RAVER1: variants seen among roughly 807,000 people sequenced by gnomAD.
RAVER1 encodes ribonucleoprotein, PTB binding 1.
A neutral mutation model predicts 68.4 loss-of-function variants in RAVER1; 36 were observed. The observed-to-expected ratio is 0.53, with a 90% CI of 0.40 to 0.70. The LOEUF (loss-of-function observed/expected upper bound fraction) is 0.70, where lower values mean the gene tolerates loss of function less well. Among genes scored for constraint, RAVER1 ranks in the 30% least tolerant of loss-of-function variants. The pLI is 0.00. For missense variants in RAVER1, 933 were observed against 1,019.8 expected (o/e 0.91, Z 1.16); for synonymous variants, 469 against 472.7 (o/e 0.99, Z 0.10).
chr19:10,322,783 C>T lies in RAVER1; in HGVS notation c.1079-44G>A, dbSNP rs2040447939. ...GGATGTGTGGGGGTCCCTGTGTCCT[C>T]CCTGCCCCACCTCACGAAACACAGC... is the stretch of plus-strand genomic sequence containing the variant. On this transcript the variant is annotated intron_variant, in intron 5 of 12. Coordinates refer to ENST00000617231, the MANE Select transcript of RAVER1 (RefSeq NM_133452.3). This position sits in a 1 kb window ranked among gnomAD's most constrained non-coding sequence, Gnocchi z 4.3. 1 of 1,165,800 alleles carries T rather than the reference C, an allele frequency of 8.6e-7. No individual in the cohort carries two copies. Among genetic ancestry groups the T allele is most frequent in the Non-Finnish European group, 1.2e-6 (1 of 863,728 alleles). The allele number at this position is 1,165,800 out of a possible 1,614,324, so 72.2% of individuals were successfully genotyped here.
At position 10,321,529 on chromosome 19, in the gene RAVER1, A is replaced by G; in HGVS notation, c.1261+2T>C. The G allele has an allele frequency of 7.4e-7, 1 of 1,354,296 alleles. No homozygotes were observed. The allele number at this position is 1,354,296 out of a possible 1,614,324, so 83.9% of individuals were successfully genotyped here. A position where few individuals can be genotyped will look rare whatever the true frequency, so the allele number is the denominator to read the frequency against. On this transcript the variant is annotated splice_donor_variant, in intron 7 of 12. Transcript: ENST00000617231. LOFTEE classifies it high-confidence loss of function. ...ACACCGTGTGGGCAGGGTCTGCGTT[A>G]CCTGCAGGCAGCTCCCCGAGGAGGG...
chr19:10,324,802 C>T (rs2040463127), intron 3 of RAVER1, among the ~76,000 whole-genome samples: 1 of 152,186 alleles, frequency 6.6e-6, no homozygotes, highest in Non-Finnish European at 1.5e-5. Context: ...CTGTCAAGCC[C>T]ACCCTCCATT....
In RAVER1 at chr19:10,316,321, G is replaced by A. The variant is rs1433970518; in HGVS notation, c.*1133C>T. 2 of 1,153,120 alleles carry A rather than the reference G, an allele frequency of 1.7e-6. No individual in the cohort carries two copies. Among genetic ancestry groups the A allele is most frequent in the African/African-American group, 3.3e-5 (2 of 60,358 alleles). The allele number at this position is 1,153,120 out of a possible 1,614,324, so 71.4% of individuals were successfully genotyped here. On this transcript the variant is annotated 3_prime_UTR_variant, in exon 13 of 13. Coordinates refer to ENST00000617231, the MANE Select transcript of RAVER1 (RefSeq NM_133452.3). ...CTTGGAGTGGATGTGGACCCCCAGA[G>A]TCAAGGGAGGGAAGCTGGTGGCCCA...
In RAVER1 at chr19:10,316,470, G is replaced by T. The variant is rs1437208692; in HGVS notation, c.*984C>A. The T allele has an allele frequency of 7.0e-6, 7 of 995,476 alleles. No individual in the cohort carries two copies. Among genetic ancestry groups the T allele is most frequent in the Non-Finnish European group, 8.4e-6 (7 of 836,368 alleles). The allele number at this position is 995,476 out of a possible 1,614,324, so 61.7% of individuals were successfully genotyped here. A position where few individuals can be genotyped will look rare whatever the true frequency, so the allele number is the denominator to read the frequency against. ...GGGCTGGAAGGAGGCCAGCTCCAGG[G>T]ATCTGGCCGGGGGTGGGCAGGCAGA... On this transcript the variant is annotated 3_prime_UTR_variant, in exon 13 of 13. Coordinates refer to ENST00000617231, the MANE Select transcript of RAVER1 (RefSeq NM_133452.3).
rs2040444511 is a variant in RAVER1, at chr19:10,322,425, C to A, written c.1173+220G>T. 2 of 506,672 alleles carry A rather than the reference C, an allele frequency of 3.9e-6. No homozygotes were observed. Among genetic ancestry groups the A allele is most frequent in the African/African-American group, 2.0e-5 (1 of 49,128 alleles). 31.4% of individuals were successfully genotyped at this position (506,672 alleles called of 1,614,324 possible). The stretch of plus-strand genomic sequence containing the variant: ...CCCAGGCACCAAGTCCAGGGGCGCT[C>A]TCAGAATGGAGGGAAAGATGGCGAA... On this transcript the variant is annotated intron_variant, in intron 6 of 12. Transcript: ENST00000617231. This position sits in a 1 kb window ranked among gnomAD's most constrained non-coding sequence, Gnocchi z 4.3.
Position 10,333,279 on chromosome 19 carries a change from C to A in RAVER1, c.219+10G>T. 1 of 1,611,024 alleles carries A rather than the reference C, an allele frequency of 6.2e-7. No individual in the cohort carries two copies. The highest frequency in any genetic ancestry group is 8.5e-7 in the Non-Finnish European group (1 of 1,177,766). On this transcript the variant is annotated intron_variant, in intron 1 of 12. Coordinates refer to ENST00000617231, the MANE Select transcript of RAVER1 (RefSeq NM_133452.3). The surrounding 1 kb of genome is among the most constrained non-coding windows in gnomAD (Gnocchi z 4.2). ...TTCCCGCCACGCTCCTACACCGCCC[C>A]CCCCAATACCTGGTTGGTCACGTCC... is the stretch of plus-strand genomic sequence containing the variant.
Position 10,322,812 on chromosome 19 carries a change from G to A in RAVER1, c.1079-73C>T. ...GCCCCACCTCACGAAACACAGCCCT[G>A]AACCCATTGATGGGGCAGGAAACTG... On this transcript the variant is annotated intron_variant, in intron 5 of 12. Transcript: ENST00000617231. The surrounding 1 kb of genome is among the most constrained non-coding windows in gnomAD (Gnocchi z 4.3). The A allele has an allele frequency of 1.1e-6, 1 of 910,824 alleles. No homozygotes were observed. The highest frequency in any genetic ancestry group is 2.0e-5 in the South Asian group (1 of 49,798). 56.4% of individuals were successfully genotyped at this position (910,824 alleles called of 1,614,324 possible). A position where few individuals can be genotyped will look rare whatever the true frequency, so the allele number is the denominator to read the frequency against.
intron 3 of RAVER1, among the ~76,000 whole-genome samples, chr19:10,327,088 T>C (rs55779981): frequency 0.14 from 21,857 of 152,008 alleles, 1,847 homozygotes; most frequent in South Asian, 0.2. Context: ...GTTTTAAATA[T>C]AGAGATGGTG....
Position 10,333,204 on chromosome 19 carries a change from C to T in RAVER1, c.219+85G>A, listed in dbSNP as rs750287293. ...CGCCCCCGCCAACGACCCCCGCGCA[C>T]CTCAGCGTTGGTGTCGCCCGGTTCC... On this transcript the variant is annotated intron_variant, in intron 1 of 12. Transcript: ENST00000617231. This position sits in a 1 kb window ranked among gnomAD's most constrained non-coding sequence, Gnocchi z 4.2. 740 of 1,359,918 alleles carry T rather than the reference C, an allele frequency of 5.4e-4. 2 individuals carry two copies. In the Middle Eastern group the frequency reaches 0.017, roughly 31 times the overall value. The allele number at this position is 1,359,918 out of a possible 1,614,324, so 84.2% of individuals were successfully genotyped here. A position where few individuals can be genotyped will look rare whatever the true frequency, so the allele number is the denominator to read the frequency against.
intron 1 of RAVER1, among the ~76,000 whole-genome samples, chr19:10,331,616 G>A (rs956168093): frequency 4.9e-5 from 7 of 142,138 alleles, no homozygotes; most frequent in Non-Finnish European, 9.1e-5. Flanking sequence ...AACCCGAGGG[G>A]TGAAGGTTGC....
chr19:10,325,022 C>T (rs1429447522), intron 3 of RAVER1, among the ~76,000 whole-genome samples: 4 of 148,184 alleles, frequency 2.7e-5, no homozygotes, highest in Non-Finnish European at 4.5e-5. Flanking sequence ...CCCATCTTCA[C>T]ATAATTTTTT....
chr19:10,330,201 C>T (rs978104618), intron 2 of RAVER1, among the ~76,000 whole-genome samples: 23 of 151,850 alleles, frequency 1.5e-4, no homozygotes, highest in African/African-American at 1.9e-4. Context: ...AATGAACCCA[C>T]GGCCAAACGT....
At position 10,322,878 on chromosome 19, in the gene RAVER1, G is replaced by A; in HGVS notation, c.1079-139C>T. ...GGGGTGGGCAGTGGACTTGCCCAAA[G>A]GAAGGGCCTAGAAGGGGCAGAGGCT... On this transcript the variant is annotated intron_variant, in intron 5 of 12. Transcript: ENST00000617231. This position sits in a 1 kb window ranked among gnomAD's most constrained non-coding sequence, Gnocchi z 4.3. 1.8e-6 allele frequency: 1 copy of A among 568,956 alleles called. No homozygotes were observed. The allele number at this position is 568,956 out of a possible 1,614,324, so 35.2% of individuals were successfully genotyped here. A position where few individuals can be genotyped will look rare whatever the true frequency, so the allele number is the denominator to read the frequency against.
intron 3 of RAVER1, among the ~76,000 whole-genome samples, chr19:10,325,294 G>A (rs1201588362): frequency 6.6e-6 from 1 of 152,016 alleles, no homozygotes; most frequent in Non-Finnish European, 1.5e-5. Context: ...GTGGGATCTT[G>A]GCTCACCACA....
At chr19:10,318,200 G>A in intron 11 of RAVER1, 29 bp downstream of exon 11, 1 of 1,578,372 alleles carries the variant, frequency 6.3e-7, no homozygotes, top group Non-Finnish European at 8.6e-7. Flanking sequence ...GTCCCAGGGG[G>A]CCTGTGCTTG....
chr19:10,333,493 C>A lies in RAVER1; in HGVS notation c.15G>T (p.Val5=), dbSNP rs771805877. 94 of 1,601,782 alleles carry A rather than the reference C, an allele frequency of 5.9e-5. No homozygotes were observed. The highest frequency in any genetic ancestry group is 6.7e-5 in the Non-Finnish European group (79 of 1,174,566). The change falls in exon 1 of 13, where the codon GTG becomes GTT. Residue 5 remains valine (V), a synonymous_variant. Transcript: ENST00000617231. This position sits in a 1 kb window ranked among gnomAD's most constrained non-coding sequence, Gnocchi z 4.2. ...TCAGCGGGGGCCGGTGAGTAACGGA[C>A]ACGTCCGCCGCCATCTTGGGAAACC... MAAD[V]SVTHRPPLSP... is the part of the protein sequence containing the mutation.
rs1379606666 is a variant in RAVER1 at position 10,323,579 on chromosome 19, G to A, written c.757-13C>T. ...GGCCGCACGCCAGCTGCCGGAGGAA[G>A]GCAGGCAGTCATGAGCATCTGGGCA... is the stretch of plus-strand genomic sequence containing the variant. On this transcript the variant is annotated splice_polypyrimidine_tract_variant and intron_variant, in intron 3 of 12. Transcript: ENST00000617231. The surrounding 1 kb of genome is among the most constrained non-coding windows in gnomAD (Gnocchi z 6.2). The A allele has an allele frequency of 4.5e-6, 7 of 1,569,986 alleles. No individual in the cohort carries two copies. Among genetic ancestry groups the A allele is most frequent in the African/African-American group, 2.7e-5 (2 of 74,224 alleles).
In RAVER1 at chr19:10,317,882, A is replaced by G; in HGVS notation, c.1990-109T>C. On this transcript the variant is annotated intron_variant, in intron 11 of 12. Transcript: ENST00000617231. This position sits in a 1 kb window ranked among gnomAD's most constrained non-coding sequence, Gnocchi z 4.3. Reference sequence around the variant, plus strand: ...GCCCTGAGGGAAAGCGAACAGTTTCAGGTTCAAATCTTGCTTCTGCTACTT... The same window carrying G: ...GCCCTGAGGGAAAGCGAACAGTTTCGGGTTCAAATCTTGCTTCTGCTACTT... The G allele has an allele frequency of 1.4e-6, 1 of 707,312 alleles. No homozygotes were observed. The highest frequency in any genetic ancestry group is 2.5e-6 in the Non-Finnish European group (1 of 401,860). The allele number at this position is 707,312 out of a possible 1,614,324, so 43.8% of individuals were successfully genotyped here. A position where few individuals can be genotyped will look rare whatever the true frequency, so the allele number is the denominator to read the frequency against.
At chr19:10,331,312 T>G (rs1355739171) in intron 1 of RAVER1, among the ~76,000 whole-genome samples, 1 of 120,744 alleles carries the variant, frequency 8.3e-6, no homozygotes, top group African/African-American at 3.2e-5. Flanking sequence ...ATTGCGCCAC[T>G]GCAGTCCGCA....
Sources: gnomAD v4.1 joint callset for allele counts (sites outside exome capture counted in the v4.1 genomes callset) on GRCh38, gnomAD v4.1.1 for gene constraint, Gnocchi (gnomAD v3.1) non-coding constraint, MANE v1.5 for transcripts, NCBI Gene and HGNC (gene_info 2026-07-23, HGNC 2026-07-21) for gene names.